CHD7: variants seen among roughly 807,000 people sequenced by gnomAD.
The protein encoded by CHD7 is chromodomain helicase DNA binding protein 7.
In CHD7, 24 loss-of-function variants were observed where a neutral mutation model predicts 307.3. That is an observed-to-expected ratio of 0.08 (90% CI 0.06 to 0.11). The LOEUF (loss-of-function observed/expected upper bound fraction) is 0.11, where lower values mean the gene tolerates loss of function less well. Among genes scored for constraint, CHD7 ranks in the 10% least tolerant of loss-of-function variants. The pLI is 1.00. For missense variants in CHD7, 3,106 were observed against 3,727.1 expected (o/e 0.83, Z 4.34); for synonymous variants, 1,363 against 1,349.9 (o/e 1.01, Z -0.21).
intron 6 of CHD7, among the ~76,000 whole-genome samples, chr8:60,805,048 A>G (rs889132373): frequency 1.8e-4 from 28 of 152,214 alleles, no homozygotes; most frequent in African/African-American, 6.5e-4. Flanking sequence ...ATGTATGGGA[A>G]TAGTTCTTTG....
intron 1 of CHD7, among the ~76,000 whole-genome samples, chr8:60,728,483 C>T (rs1385769238): frequency 6.6e-6 from 1 of 152,110 alleles, no homozygotes; most frequent in Non-Finnish European, 1.5e-5. Context: ...TTTAAGGCAC[C>T]GTGTCTGGCA....
At position 60,741,942 on chromosome 8, in the gene CHD7, G is replaced by C; in HGVS notation, c.510G>C (p.Pro170=). ...AGCAGCAGCCACAGCCGCAGCCACC[G>C]CAGCCGGCTCCGTCGGGGCCCCCTG... is the stretch of plus-strand genomic sequence containing the variant. ...YQQQQPQPQP[P]QPAPSGPPAQ... Residue 170 remains proline, a synonymous_variant, in exon 2 of 38, where the codon CCG becomes CCC. Transcript: ENST00000423902. The C allele has an allele frequency of 6.2e-7, 1 of 1,613,362 alleles. No homozygotes were observed.
intron 12 of CHD7, 29 bp downstream of exon 12, chr8:60,822,775 A>G: frequency 6.5e-7 from 1 of 1,547,862 alleles, no homozygotes; most frequent in South Asian, 1.3e-5. Context: ...TATTCTTTGT[A>G]CTTACTCTGT....
intron 19 of CHD7, 45 bp downstream of exon 19, chr8:60,838,300 CAG>C (rs1163101045): frequency 1.3e-6 from 2 of 1,546,842 alleles, no homozygotes; most frequent in African/African-American, 1.4e-5. Context: ...AGAAGCATGA[CAG>C]AGTTCATGTG....
intron 24 of CHD7, 88 bp downstream of exon 24, chr8:60,848,692 T>C (rs1193617367): frequency 3.0e-6 from 3 of 1,015,266 alleles, no homozygotes; most frequent in Non-Finnish European, 3.1e-6. Context: ...AGAACCTTCA[T>C]AAACCACTAG....
chr8:60,700,020 G>A (rs1806681418), intron 1 of CHD7, among the ~76,000 whole-genome samples: 2 of 151,818 alleles, frequency 1.3e-5, no homozygotes, highest in Admixed American at 6.6e-5. Flanking sequence ...AGTAGGGAGG[G>A]GGTTTCTCCA....
At chr8:60,721,377 A>C (rs922286232) in intron 1 of CHD7, among the ~76,000 whole-genome samples, 1 of 152,130 alleles carries the variant, frequency 6.6e-6, no homozygotes, top group Non-Finnish European at 1.5e-5. Context: ...AAGCCAAGAG[A>C]AGAGGCCTCA....
chr8:60,845,588 G>A (rs979103508), intron 23 of CHD7, among the ~76,000 whole-genome samples, 179 bp downstream of exon 23: 1 of 152,182 alleles, frequency 6.6e-6, no homozygotes, highest in Non-Finnish European at 1.5e-5. Flanking sequence ...ATACTCCCGC[G>A]GATATGGAGG....
intron 1 of CHD7, among the ~76,000 whole-genome samples, chr8:60,694,803 A>AG (rs1405179484): frequency 6.6e-6 from 1 of 152,164 alleles, no homozygotes; most frequent in Admixed American, 6.5e-5. Context: ...CCTGAGGGAG[A>AG]GGGGCAGCAG....
chr8:60,809,617 G>C (rs146693738), intron 7 of CHD7: 3 of 137,868 alleles, frequency 2.2e-5, no homozygotes, highest in Admixed American at 7.7e-5. Flanking sequence ...GCCAGACCAG[G>C]AGACTCTAGC....
In CHD7 at chr8:60,828,340, A is replaced by C. The variant is rs552184201; in HGVS notation, c.3379-323A>C. The stretch of plus-strand genomic sequence containing the variant: ...CTGCGTCTAGGGATTCTAGGAAAAA[A>C]ACTTAACTGGTGGGGATAAAAGCAT... On this transcript the variant is annotated intron_variant, in intron 13 of 37. Transcript: ENST00000423902. Among the ~76,000 whole-genome samples the C allele has an allele frequency of 2.6e-5, 4 of 152,316 alleles. No individual in the cohort carries two copies. The South Asian group carries it at 6.2e-4, about 24-fold the overall frequency.
intron 15 of CHD7, among the ~76,000 whole-genome samples, chr8:60,833,707 C>T (rs188204789): frequency 2.0e-5 from 3 of 152,344 alleles, no homozygotes; most frequent in East Asian, 3.9e-4. Context: ...GCCAGCCATA[C>T]ATTAATTTAG....
chr8:60,862,943 A>G, intron 37 of CHD7: 2 of 348,006 alleles, frequency 5.7e-6, no homozygotes, highest in East Asian at 1.0e-4. Context: ...TTAACAGCTC[A>G]CCTGTGGAAT....
intron 2 of CHD7, among the ~76,000 whole-genome samples, chr8:60,776,842 G>C (rs1442055643): frequency 1.3e-5 from 2 of 152,110 alleles, no homozygotes; most frequent in Non-Finnish European, 2.9e-5. Context: ...TCAAGAACCT[G>C]GGGAATACTG....
intron 2 of CHD7, among the ~76,000 whole-genome samples, chr8:60,757,831 C>T (rs1809970622): frequency 6.6e-6 from 1 of 152,204 alleles, no homozygotes; most frequent in Admixed American, 6.5e-5. Context: ...ACTTAACCTT[C>T]CTGCTACTAA....
At chr8:60,859,256 G>T (rs1805854932) in intron 34 of CHD7, among the ~76,000 whole-genome samples, 1 of 152,176 alleles carries the variant, frequency 6.6e-6, no homozygotes, top group Non-Finnish European at 1.5e-5. Context: ...AATAAACCAA[G>T]TAGGAAAAGA....
chr8:60,810,280 G>C (rs1004657304), intron 7 of CHD7, among the ~76,000 whole-genome samples: 1 of 151,928 alleles, frequency 6.6e-6, no homozygotes, highest in Non-Finnish European at 1.5e-5. Flanking sequence ...TGAAGGGGGG[G>C]GCATTGAGAA....
intron 1 of CHD7, among the ~76,000 whole-genome samples, chr8:60,727,288 C>T (rs893946378): frequency 2.0e-5 from 3 of 151,968 alleles, no homozygotes; most frequent in African/African-American, 4.8e-5. Context: ...CACCCCTGCC[C>T]GGCTAATTTT....
At chr8:60,767,391 G>A (rs1292111049) in intron 2 of CHD7, among the ~76,000 whole-genome samples, 3 of 152,192 alleles carry the variant, frequency 2.0e-5, no homozygotes, top group Non-Finnish European at 4.4e-5. Context: ...TCAAAAGTAG[G>A]TTGGTAGGTC....
Sources: allele counts gnomAD v4.1 joint callset (sites outside exome capture counted in the v4.1 genomes callset), GRCh38; gene constraint gnomAD v4.1.1; transcripts MANE v1.5; gene names NCBI Gene and HGNC (gene_info 2026-07-23, HGNC 2026-07-21).